Variants in NPAS3 observed in about 807,000 individuals in gnomAD.
NPAS3 encodes neuronal PAS domain protein 3.
In NPAS3, 14 loss-of-function variants were observed where a neutral mutation model predicts 73.1. The observed-to-expected ratio is 0.19, with a 90% CI of 0.13 to 0.30. The LOEUF (loss-of-function observed/expected upper bound fraction) is 0.30, where lower values mean the gene tolerates loss of function less well. NPAS3 is among the 10% of genes least tolerant of loss of function. The probability of loss-of-function intolerance (pLI) is 1.00; values close to 1 mark genes in which losing one functional copy is unlikely to be tolerated. For synonymous variants in NPAS3, 620 were observed against 541.5 expected (o/e 1.14, Z -2.01); for missense variants, 1,096 against 1,250.0 (o/e 0.88, Z 1.86).
Position 33,366,844 on chromosome 14 carries a change from A to G in NPAS3, c.386-342A>G, listed in dbSNP as rs1044314811. Among the ~76,000 whole-genome samples, 3 of 152,176 alleles carry G rather than the reference A, an allele frequency of 2.0e-5. No homozygotes were observed. The East Asian group carries it at 5.8e-4, about 29-fold the overall frequency. ...AGTATGCAGATGCTTAAAAAAATCA[A>G]TACCTTAATTTTAAGAAAAATGGTG... is the stretch of plus-strand genomic sequence containing the variant. On this transcript the variant is annotated intron_variant, in intron 3 of 11. Transcript: ENST00000356141.
At chr14:33,348,121 T>A (rs1024435406) in intron 3 of NPAS3, among the ~76,000 whole-genome samples, 1 of 152,180 alleles carries the variant, frequency 6.6e-6, no homozygotes, top group Non-Finnish European at 1.5e-5. Flanking sequence ...AACAACCCTA[T>A]GAACAAGCAT....
chr14:33,598,365 A>G (rs921588496), intron 5 of NPAS3, among the ~76,000 whole-genome samples: 1 of 152,154 alleles, frequency 6.6e-6, no homozygotes, highest in African/African-American at 2.4e-5. Context: ...TTGACTTTGT[A>G]CCTGATATTT....
At chr14:33,692,712 G>A (rs936610336) in intron 6 of NPAS3, among the ~76,000 whole-genome samples, 1 of 151,960 alleles carries the variant, frequency 6.6e-6, no homozygotes, top group Non-Finnish European at 1.5e-5. Context: ...AGACTAAGCA[G>A]AGTTTTTCAA....
chr14:33,267,484 G>A (rs1016915552), intron 3 of NPAS3, among the ~76,000 whole-genome samples: 2 of 152,052 alleles, frequency 1.3e-5, no homozygotes, highest in Non-Finnish European at 2.9e-5. Context: ...GAGGAGCTGT[G>A]TTTGCATGAA....
chr14:33,542,311 A>C (rs1204818642), intron 4 of NPAS3, among the ~76,000 whole-genome samples: 1 of 152,144 alleles, frequency 6.6e-6, no homozygotes, highest in Non-Finnish European at 1.5e-5. Flanking sequence ...AGTTTTCCTC[A>C]GTTGCCCTTT....
At chr14:33,280,540 C>G (rs2041554384) in intron 3 of NPAS3, among the ~76,000 whole-genome samples, 1 of 152,034 alleles carries the variant, frequency 6.6e-6, no homozygotes, top group South Asian at 2.1e-4. Flanking sequence ...GTCTCTGTTT[C>G]TTTATCTATG....
intron 2 of NPAS3, among the ~76,000 whole-genome samples, chr14:33,187,162 G>A (rs531630426): frequency 2.2e-4 from 33 of 152,282 alleles, no homozygotes; most frequent in African/African-American, 7.7e-4. Flanking sequence ...AGAATAAAGA[G>A]CATCCTTTCT....
intron 4 of NPAS3, among the ~76,000 whole-genome samples, chr14:33,526,995 G>C (rs991389444): frequency 6.6e-6 from 1 of 152,180 alleles, no homozygotes; most frequent in Non-Finnish European, 1.5e-5. Flanking sequence ...AGGAGGAATA[G>C]ATGGCATCCT....
At chr14:33,783,300 T>G (rs148116417) in intron 9 of NPAS3, among the ~76,000 whole-genome samples, 1 of 152,310 alleles carries the variant, frequency 6.6e-6, no homozygotes, top group African/African-American at 2.4e-5. Flanking sequence ...TTTTTCTGTT[T>G]TCTGATCTCA....
Position 33,019,764 on chromosome 14 carries a change from G to A in NPAS3, c.51-36141G>A, listed in dbSNP as rs535934352. ...ATAAACTACACTCCTTTTGTAAGCA[G>A]TGGTCTAAGGCTTTGTAAAGGATCA... On this transcript the variant is annotated intron_variant, in intron 1 of 11. Coordinates refer to ENST00000356141, the Ensembl canonical transcript of NPAS3. Among the ~76,000 whole-genome samples the A allele has an allele frequency of 7.2e-5, 11 of 152,308 alleles. No homozygotes were observed. In the South Asian group the frequency reaches 1.2e-3, roughly 17 times the overall value.
rs192875817 is a variant in NPAS3, at chr14:33,540,133, T to G, written c.469-19988T>G. Among the ~76,000 whole-genome samples the G allele has an allele frequency of 5.8e-3, 890 of 152,352 alleles. 3 individuals are homozygous for G. The highest frequency in any genetic ancestry group is 0.01 in the Non-Finnish European group (684 of 68,034). On this transcript the variant is annotated intron_variant, in intron 4 of 11. Transcript: ENST00000356141. ...TGTGAACATTCCCTTGTTCTATGTTTAGCTTGAATAATTACCAAACTGTTT... is the reference window on the plus strand; with the variant it reads ...TGTGAACATTCCCTTGTTCTATGTTGAGCTTGAATAATTACCAAACTGTTT...
At chr14:33,501,270 T>A (rs1353537103) in intron 4 of NPAS3, among the ~76,000 whole-genome samples, 7 of 151,844 alleles carry the variant, frequency 4.6e-5, no homozygotes, top group Non-Finnish European at 1.0e-4. Flanking sequence ...AAGTCAATAA[T>A]AAAAGGAGCA....
chr14:33,362,610 T>TC, intron 3 of NPAS3, among the ~76,000 whole-genome samples: 1 of 152,114 alleles, frequency 6.6e-6, no homozygotes, highest in East Asian at 1.9e-4. Context: ...AGTGCTCCCT[T>TC]CCCCCAGGCT....
At chr14:32,939,021 C>G (rs1431971577), upstream of NPAS3, among the ~76,000 whole-genome samples, 2 of 145,684 alleles carry the variant, frequency 1.4e-5, no homozygotes, top group Non-Finnish European at 3.0e-5. Context: ...CGGCGACCCA[C>G]GGCTGGGAGC....
Position 33,800,503 on chromosome 14 carries a change from C to A in NPAS3, c.2196C>A (p.Gly732=). The A allele has an allele frequency of 7.0e-7, 1 of 1,436,830 alleles. No individual in the cohort carries two copies. The allele number at this position is 1,436,830 out of a possible 1,614,324, so 89.0% of individuals were successfully genotyped here. ...CGGCCGCCCGCAAGACTCAGTTCGG[C>A]GCCTCGGCCACCGCGGCCCTGGCCC... The change falls in exon 12 of 12, where the codon GGC becomes GGA. Residue 732 remains glycine, a synonymous_variant. Transcript: ENST00000356141. This position sits in a 1 kb window ranked among gnomAD's most constrained non-coding sequence, Gnocchi z 6.5.
intron 3 of NPAS3, among the ~76,000 whole-genome samples, chr14:33,313,081 T>C (rs1266629918): frequency 6.6e-6 from 1 of 152,034 alleles, no homozygotes; most frequent in African/African-American, 2.4e-5. Flanking sequence ...AGGGGGTGTT[T>C]TTGGCAGTAC....
At chr14:33,542,288 C>A (rs2054557586) in intron 4 of NPAS3, among the ~76,000 whole-genome samples, 1 of 152,168 alleles carries the variant, frequency 6.6e-6, no homozygotes, top group Non-Finnish European at 1.5e-5. Context: ...ACTGTCAAAC[C>A]AGGAGGCAAC....
At chr14:33,362,880 A>G (rs1370261579) in intron 3 of NPAS3, among the ~76,000 whole-genome samples, 1 of 152,146 alleles carries the variant, frequency 6.6e-6, no homozygotes, top group Non-Finnish European at 1.5e-5. Flanking sequence ...CCTGCCTCAC[A>G]GTGTCACAGT....
At chr14:33,027,316 G>A (rs184563189) in intron 1 of NPAS3, among the ~76,000 whole-genome samples, 1 of 152,270 alleles carries the variant, frequency 6.6e-6, no homozygotes, top group East Asian at 1.9e-4. Flanking sequence ...AGAGAAAGAC[G>A]TGCTTGGGCT....
Sources: allele counts gnomAD v4.1 joint callset (sites outside exome capture counted in the v4.1 genomes callset), GRCh38; gene constraint gnomAD v4.1.1; non-coding constraint Gnocchi (gnomAD v3.1); transcripts MANE v1.5; gene names NCBI Gene and HGNC (gene_info 2026-07-23, HGNC 2026-07-21).